Variants in SRRM1 observed in about 807,000 individuals in gnomAD.
SRRM1 encodes the protein serine/arginine repetitive matrix protein 1.
Under a neutral mutation model 110.2 loss-of-function variants are expected in SRRM1, and 19 were observed. The observed-to-expected ratio is 0.17, with a 90% CI of 0.12 to 0.25. The LOEUF (loss-of-function observed/expected upper bound fraction) is 0.25. SRRM1 is among the 10% of genes least tolerant of loss of function. The pLI is 1.00. For synonymous variants in SRRM1, 443 were observed against 414.9 expected (o/e 1.07, Z -0.82); for missense variants, 918 against 1,145.8 (o/e 0.80, Z 2.87).
Position 24,672,417 on chromosome 1 carries a change from A to G in SRRM1, c.*131A>G, listed in dbSNP as rs956143915. ...ATTGCTAGGTTGAAGTTCAACATGT[A>G]AAAAAAGGGGGCATGGATTTACATT... is the stretch of plus-strand genomic sequence containing the variant. On this transcript the variant is annotated 3_prime_UTR_variant, in exon 17 of 17. Transcript: ENST00000323848. 4 of 581,366 alleles carry G rather than the reference A, an allele frequency of 6.9e-6. No homozygotes were observed. Among genetic ancestry groups the G allele is most frequent in the South Asian group, 2.3e-5 (1 of 42,920 alleles). The allele number at this position is 581,366 out of a possible 1,614,324, so 36.0% of individuals were successfully genotyped here.
chr1:24,652,524 G>A lies in SRRM1; in HGVS notation c.816G>A (p.Glu272=), dbSNP rs1661576291. Residue 272 remains glutamate (E), a synonymous_variant, in exon 7 of 17, where the codon GAG becomes GAA. Transcript: ENST00000323848. The part of the protein sequence containing the change: ...EKNSKKEKEK[E]KTRPRSRSRS... ...ATTCCAAAAAAGAAAAGGAGAAGGA[G>A]AAGACCCGACCACGATCTCGGTCAC... 4 of 1,613,162 alleles carry A rather than the reference G, an allele frequency of 2.5e-6. No individual in the cohort carries two copies. Among genetic ancestry groups the A allele is most frequent in the Non-Finnish European group, 3.4e-6 (4 of 1,179,734 alleles).
intron 2 of SRRM1, among the ~76,000 whole-genome samples, chr1:24,646,291 G>C (rs1016830592): frequency 1.3e-5 from 2 of 152,212 alleles, no homozygotes; most frequent in Non-Finnish European, 2.9e-5. Context: ...ACTTTGGGAG[G>C]CCGAGGCGGG....
At chr1:24,652,825 A>AT in intron 7 of SRRM1, 88 bp from the exon 8 acceptor site, 2 of 1,480,518 alleles carry the variant, frequency 1.4e-6, no homozygotes, top group Non-Finnish European at 1.8e-6. Context: ...TTTGAAATTT[A>AT]TTTTTTAGAT....
chr1:24,671,556 A>G lies in SRRM1; in HGVS notation c.2571A>G (p.Leu857=). 6.2e-7 allele frequency: 1 copy of G among 1,603,680 alleles called. No individual in the cohort carries two copies. The highest frequency in any genetic ancestry group is 8.5e-7 in the Non-Finnish European group (1 of 1,177,158). ...PAAIAAATTT[L]AQEEPVAAPE... is the part of the protein sequence containing the mutation. Reference sequence around the variant, plus strand: ...CCATTGCAGCTGCCACAACCACATTAGCACAGGAAGAGCCAGTGGCAGCGC... The same window carrying G: ...CCATTGCAGCTGCCACAACCACATTGGCACAGGAAGAGCCAGTGGCAGCGC... Residue 857 remains leucine (L), a synonymous_variant, in exon 16 of 17, where the codon TTA becomes TTG. Coordinates refer to ENST00000323848, the MANE Select transcript of SRRM1 (RefSeq NM_005839.4).
intron 12 of SRRM1, among the ~76,000 whole-genome samples, chr1:24,664,421 T>A (rs989579246): frequency 6.6e-6 from 1 of 152,156 alleles, no homozygotes; most frequent in African/African-American, 2.4e-5. Flanking sequence ...CCTGATGGGG[T>A]AGTTTCTTAG....
Position 24,654,958 on chromosome 1 carries a change from C to G in SRRM1, c.1144C>G (p.Pro382Ala), listed in dbSNP as rs758987122. The G allele has an allele frequency of 6.8e-6, 11 of 1,614,096 alleles. No individual in the cohort carries two copies. The highest frequency in any genetic ancestry group is 1.7e-5 in the Admixed American group (1 of 60,008). Residue 382 changes from proline (P) to alanine (A), a missense_variant, in exon 9 of 17, where the codon CCT becomes GCT. Around this residue, in one of 5 missense-constraint regions of SRRM1, gnomAD observed 456 missense variants for 453.5 expected, o/e 1.01. Transcript: ENST00000323848. ...GCCTCCCAAGAGGACATCCAGCCCC[C>G]CTCGGAAAACTCGTAGGTTATCTCC... Reference protein sequence around the residue: ...KKPPKRTSSPPRKTRRLSPSA... With the variant: ...KKPPKRTSSPARKTRRLSPSA...
chr1:24,663,809 G>A (rs1205716044), intron 12 of SRRM1, among the ~76,000 whole-genome samples: 1 of 150,812 alleles, frequency 6.6e-6, no homozygotes, highest in Non-Finnish European at 1.5e-5. Context: ...CCCAGGAGGC[G>A]GAGGTTGCAA....
chr1:24,646,289 A>T (rs1657524400), intron 2 of SRRM1, among the ~76,000 whole-genome samples: 1 of 152,218 alleles, frequency 6.6e-6, no homozygotes, highest in Admixed American at 6.5e-5. Flanking sequence ...GCACTTTGGG[A>T]GGCCGAGGCG....
At chr1:24,661,504 A>T in intron 11 of SRRM1, 108 bp downstream of exon 11, 1 of 730,460 alleles carries the variant, frequency 1.4e-6, no homozygotes, top group Non-Finnish European at 2.1e-6. Flanking sequence ...CCTACATAGA[A>T]ATCTGTCTGA....
chr1:24,653,134 A>T (rs1661965195), intron 8 of SRRM1, 102 bp downstream of exon 8: 1 of 1,102,156 alleles, frequency 9.1e-7, no homozygotes, highest in East Asian at 2.7e-5. Context: ...GAAAGAACTG[A>T]TAGGTGATAT....
Position 24,670,108 on chromosome 1 carries a change from C to A in SRRM1, c.2205-12C>A. 6.5e-7 allele frequency: 1 copy of A among 1,541,822 alleles called. No homozygotes were observed. On this transcript the variant is annotated splice_polypyrimidine_tract_variant and intron_variant, in intron 14 of 16. Transcript: ENST00000323848. ...TGTTCTCAATGCTGAATGTTTTTTC[C>A]TTTTTGTCTAGGGCTGCTTCCCCAA...
intron 4 of SRRM1, 51 bp from the exon 5 acceptor site, chr1:24,649,919 GT>G: frequency 4.1e-6 from 6 of 1,462,494 alleles, no homozygotes; most frequent in Non-Finnish European, 5.4e-6. Context: ...GTAGTCTTCA[GT>G]TTGTTCTCAA....
At position 24,644,288 on chromosome 1, in the gene SRRM1, A is replaced by G. The variant is rs776291007; in HGVS notation, c.21+941A>G. Among the ~76,000 whole-genome samples, 30 of 152,122 alleles carry G rather than the reference A, an allele frequency of 2.0e-4. 1 individual carries two copies. The highest frequency in any genetic ancestry group is 1.4e-3 in the Admixed American group (22 of 15,272). On this transcript the variant is annotated intron_variant, in intron 1 of 16. Transcript: ENST00000323848. ...TCCTGTAGGAAATTAGTACTAGATC[A>G]AGATCTAGAAGGGACACAGGACTAG...
intron 12 of SRRM1, 151 bp from the exon 13 acceptor site, chr1:24,666,664 C>T: frequency 1.7e-6 from 1 of 585,228 alleles, no homozygotes; most frequent in Non-Finnish European, 3.1e-6. Context: ...ACTCAGGAGG[C>T]TGAGGGGGGA....
At chr1:24,666,717 A>T (rs889403038) in intron 12 of SRRM1, 98 bp from the exon 13 acceptor site, 1 of 911,570 alleles carries the variant, frequency 1.1e-6, no homozygotes, top group Admixed American at 2.3e-5. Context: ...GTGAGCCAAG[A>T]TCATGCCATT....
intron 14 of SRRM1, 52 bp from the exon 15 acceptor site, chr1:24,670,068 G>C: frequency 6.8e-7 from 1 of 1,476,494 alleles, no homozygotes; most frequent in Non-Finnish European, 9.1e-7. Flanking sequence ...GTTTTCTCAT[G>C]TGAAGAGAGA....
chr1:24,662,378 A>G (rs536428343), intron 11 of SRRM1, among the ~76,000 whole-genome samples: 1 of 152,330 alleles, frequency 6.6e-6, no homozygotes, highest in East Asian at 1.9e-4. Flanking sequence ...GGCCTCCCAA[A>G]TGCTGGGGTT....
chr1:24,656,555 C>A (rs546005481), intron 9 of SRRM1, among the ~76,000 whole-genome samples: 1 of 152,282 alleles, frequency 6.6e-6, no homozygotes, highest in East Asian at 1.9e-4. Context: ...AAATTTCAGT[C>A]CATTTTCAGT....
intron 1 of SRRM1, 144 bp downstream of exon 1, chr1:24,643,491 C>CG (rs1553162711): frequency 3.5e-6 from 2 of 577,856 alleles, no homozygotes; most frequent in Non-Finnish European, 5.1e-6. Context: ...CACCCCCCCC[C>CG]CCCCCGTGCG....
Sources: gnomAD v4.1 joint callset for allele counts (sites outside exome capture counted in the v4.1 genomes callset) on GRCh38, gnomAD v4.1.1 for gene constraint, gnomAD v4.1.1 regional missense constraint, MANE v1.5 for transcripts, NCBI Gene and HGNC (gene_info 2026-07-23, HGNC 2026-07-21) for gene names.